The following MORC2 variants were observed in gnomAD, a reference collection of about 807,000 sequenced individuals.
The protein encoded by MORC2 is MORC family CW-type zinc finger 2.
A neutral mutation model predicts 136.0 loss-of-function variants in MORC2; 30 were observed. That is an observed-to-expected ratio of 0.22 (90% CI 0.17 to 0.30). The LOEUF is 0.30. Ranked by LOEUF, MORC2 falls within the 10% of genes least tolerant of loss-of-function variation. The pLI is 1.00. For missense variants in MORC2, 922 were observed against 1,333.1 expected, an observed-to-expected ratio of 0.69 and a Z score of 4.80; for synonymous variants, 439 against 487.0, an observed-to-expected ratio of 0.90 and a Z score of 1.30.
At chr22:30,967,200 TCATGAACTCAAGAAC>T in intron 1 of MORC2, 1 of 985,552 alleles carries the variant, frequency 1.0e-6, no homozygotes, top group Non-Finnish European at 1.2e-6. Context: ...GATTACTCCT[TCATGAACTCAAGAAC>T]CATGAACACT....
chr22:30,936,765 A>G, intron 16 of MORC2, 122 bp from the exon 17 acceptor site: 2 of 1,382,086 alleles, frequency 1.4e-6, no homozygotes, highest in South Asian at 2.6e-5. Flanking sequence ...TTCCCAATGC[A>G]CAGAATTAAT....
chr22:30,939,942 C>T lies in MORC2; in HGVS notation c.987+17G>A, dbSNP rs1374728754. ...GCCAGAAACGCTGGAGAACAGCCGCCTGGGCCGGGACCTTACCCTGGAGTC... is the reference window on the plus strand; with the variant it reads ...GCCAGAAACGCTGGAGAACAGCCGCTTGGGCCGGGACCTTACCCTGGAGTC... On this transcript the variant is annotated intron_variant, in intron 11 of 25. Coordinates refer to ENST00000397641, the MANE Select transcript of MORC2 (RefSeq NM_001303256.3). 3.7e-6 allele frequency: 6 copies of T among 1,612,192 alleles called. No individual in the cohort carries two copies. In the East Asian group the frequency reaches 1.3e-4, roughly 36 times the overall value.
At chr22:30,930,819 C>G (rs950799435) in intron 24 of MORC2, among the ~76,000 whole-genome samples, 3 of 152,202 alleles carry the variant, frequency 2.0e-5, no homozygotes, top group Admixed American at 6.5e-5. Context: ...CCATCTCCAG[C>G]CCTGGCCTCC....
At chr22:30,947,595 C>T (rs1441494596) in intron 5 of MORC2, among the ~76,000 whole-genome samples, 2 of 152,130 alleles carry the variant, frequency 1.3e-5, no homozygotes, top group African/African-American at 2.4e-5. Flanking sequence ...AGGAAAACTC[C>T]CAGGACACTA....
chr22:30,935,158 G>A lies in MORC2; in HGVS notation c.1816C>T (p.Pro606Ser), dbSNP rs779836770. The change falls in exon 19 of 26, where the codon CCT becomes TCT. Residue 606 changes from proline (P) to serine (S), a missense_variant. By Grantham distance (74) the Pro-to-Ser change is moderately conservative. This residue lies in a region of MORC2 where 184 missense variants were observed against 180.3 expected (regional missense o/e 1.02). Transcript: ENST00000397641. Reference protein sequence around the residue: ...EVTTRPSTEEPVRRPQRPRSP... With the variant: ...EVTTRPSTEESVRRPQRPRSP... Reference sequence around the variant, plus strand: ...CGAGGACGCTGAGGTCTACGCACAGGTTCCTAAAAAAAGGCCCACAGAGAG... The same window carrying A: ...CGAGGACGCTGAGGTCTACGCACAGATTCCTAAAAAAAGGCCCACAGAGAG... 3.1e-6 allele frequency: 5 copies of A among 1,611,510 alleles called. No individual in the cohort carries two copies. Among genetic ancestry groups the A allele is most frequent in the Non-Finnish European group, 4.2e-6 (5 of 1,178,854 alleles).
Position 30,939,608 on chromosome 22 carries a change from G to C in MORC2, c.1073+13C>G, listed in dbSNP as rs1324713588. 6 of 1,613,434 alleles carry C rather than the reference G, an allele frequency of 3.7e-6. No homozygotes were observed. In the Admixed American group the frequency reaches 6.7e-5, roughly 18 times the overall value. On this transcript the variant is annotated intron_variant, in intron 12 of 25. Coordinates refer to ENST00000397641, the MANE Select transcript of MORC2 (RefSeq NM_001303256.3). Reference sequence around the variant, plus strand: ...GTCAGTTTAAAAGATCCAAGGACAGGCCTGGCACTCACCGCTGCTTGGCCT... The same window carrying C: ...GTCAGTTTAAAAGATCCAAGGACAGCCCTGGCACTCACCGCTGCTTGGCCT...
chr22:30,962,060 T>C (rs1189945615), intron 1 of MORC2, among the ~76,000 whole-genome samples: 1 of 152,008 alleles, frequency 6.6e-6, no homozygotes, highest in Non-Finnish European at 1.5e-5. Flanking sequence ...TAGTCAGGCA[T>C]GGTGGCGGAC....
chr22:30,952,953 G>A (rs980586736), intron 3 of MORC2, among the ~76,000 whole-genome samples: 1 of 152,224 alleles, frequency 6.6e-6, no homozygotes, highest in East Asian at 1.9e-4. Context: ...TATCCAAAGA[G>A]CTTGTGAAAA....
At position 30,938,091 on chromosome 22, in the gene MORC2, T is replaced by C; in HGVS notation, c.1188A>G (p.Lys396=). The C allele has an allele frequency of 6.2e-7, 1 of 1,614,140 alleles. No individual in the cohort carries two copies. Among genetic ancestry groups the C allele is most frequent in the Non-Finnish European group, 8.5e-7 (1 of 1,180,026 alleles). The part of the protein sequence containing the change: ...NCSRLIKMYE[K]VGPQLEGGMA... ...TGCCCCCTTCCAGCTGTGGGCCCAC[T>C]TTCTCATACATTTTGATCAGTCGGC... Residue 396 remains lysine (K), a synonymous_variant, in exon 13 of 26, where the codon AAA becomes AAG. Transcript: ENST00000397641.
intron 10 of MORC2, 26 bp downstream of exon 10, chr22:30,940,732 A>T: frequency 6.2e-7 from 1 of 1,607,880 alleles, no homozygotes; most frequent in Non-Finnish European, 8.5e-7. Flanking sequence ...ACACCCCCCC[A>T]ACTCCTGCAC....
At position 30,926,190 on chromosome 22, in the gene MORC2, G is replaced by A. The variant is rs2040478843; in HGVS notation, c.*613C>T. On this transcript the variant is annotated 3_prime_UTR_variant, in exon 26 of 26. Transcript: ENST00000397641. ...CCCTCCTTCAGAAAGAACTTGAGTA[G>A]TAGATGAGGTGGTTAGACAGGATCT... 1 of 152,156 alleles carries A rather than the reference G, an allele frequency of 6.6e-6. No homozygotes were observed. Among genetic ancestry groups the A allele is most frequent in the South Asian group, 2.1e-4 (1 of 4,824 alleles). 9.4% of individuals were successfully genotyped at this position (152,156 alleles called of 1,614,324 possible). A position where few individuals can be genotyped will look rare whatever the true frequency, so the allele number is the denominator to read the frequency against.
chr22:30,950,338 C>CGGGGGGG, intron 4 of MORC2, 39 bp downstream of exon 4: 11 of 695,030 alleles, frequency 1.6e-5, no homozygotes, highest in East Asian at 2.5e-5. Flanking sequence ...GGTTACATCG[C>CGGGGGGG]ACCCCCCCAC....
chr22:30,950,882 T>C (rs2040877320), intron 3 of MORC2, among the ~76,000 whole-genome samples: 3 of 152,206 alleles, frequency 2.0e-5, no homozygotes, highest in Admixed American at 2.0e-4. Flanking sequence ...GGATGCCTCC[T>C]TTGTGAATTA....
In MORC2 at chr22:30,934,680, G is replaced by C. The variant is rs1213671626; in HGVS notation, c.2193+101C>G. On this transcript the variant is annotated intron_variant, in intron 19 of 25. Transcript: ENST00000397641. The surrounding 1 kb of genome is among the most constrained non-coding windows in gnomAD (Gnocchi z 4.4). The stretch of plus-strand genomic sequence containing the variant: ...GGGCAGCAGCAAAGCTTTAGATTCA[G>C]TATCTTCCGAAGGCTCCCCCAGTAC... The C allele has an allele frequency of 6.8e-7, 1 of 1,469,918 alleles. No homozygotes were observed. The highest frequency in any genetic ancestry group is 9.2e-7 in the Non-Finnish European group (1 of 1,085,300). 91.1% of individuals were successfully genotyped at this position (1,469,918 alleles called of 1,614,324 possible). A position where few individuals can be genotyped will look rare whatever the true frequency, so the allele number is the denominator to read the frequency against.
rs766400089 is a variant in MORC2, at chr22:30,934,783, G to A, written c.2191C>T (p.Pro731Ser). ...ATTAAAGAGGACAAGCGTCTCACCG[G>A]GGAGAGTTTGATGGGTGACTCTGTC... ...KKTESPIKLS[P>S]ATPSRKRSVA... The change falls in exon 19 of 26, where the codon CCG becomes TCG. Residue 731 changes from proline to serine, a missense_variant and splice_region_variant. Physicochemically the swap from Pro to Ser is moderately conservative, Grantham distance 74. Transcript: ENST00000397641. This position sits in a 1 kb window ranked among gnomAD's most constrained non-coding sequence, Gnocchi z 4.4. 3.1e-6 allele frequency: 5 copies of A among 1,614,012 alleles called. No homozygotes were observed. In the South Asian group the frequency reaches 5.5e-5, roughly 18 times the overall value.
At chr22:30,954,266 C>G (rs1483681798) in intron 3 of MORC2, among the ~76,000 whole-genome samples, 1 of 151,816 alleles carries the variant, frequency 6.6e-6, no homozygotes, top group Non-Finnish European at 1.5e-5. Context: ...TGCATTCCAG[C>G]CTGGGTGAAA....
chr22:30,932,879 G>C lies in MORC2; in HGVS notation c.2522+10C>G. Reference sequence around the variant, plus strand: ...GAGGAACCACTGCTCCTCCCTGATTGGGGCATTACCAGCGGTCTCTTGGTG... The same window carrying C: ...GAGGAACCACTGCTCCTCCCTGATTCGGGCATTACCAGCGGTCTCTTGGTG... On this transcript the variant is annotated intron_variant, in intron 22 of 25. Coordinates refer to ENST00000397641, the MANE Select transcript of MORC2 (RefSeq NM_001303256.3). This position sits in a 1 kb window ranked among gnomAD's most constrained non-coding sequence, Gnocchi z 4.4. The C allele has an allele frequency of 5.0e-6, 8 of 1,614,104 alleles. No individual in the cohort carries two copies. Among genetic ancestry groups the C allele is most frequent in the Non-Finnish European group, 6.8e-6 (8 of 1,180,006 alleles).
intron 4 of MORC2, 45 bp downstream of exon 4, chr22:30,950,332 A>G (rs2040869199): frequency 1.1e-5 from 8 of 751,156 alleles, no homozygotes; most frequent in Middle Eastern, 2.4e-4. Flanking sequence ...AAAAATGGTT[A>G]CATCGCACCC....
At chr22:30,943,493 A>C (rs928119504) in intron 6 of MORC2, among the ~76,000 whole-genome samples, 4 of 152,174 alleles carry the variant, frequency 2.6e-5, no homozygotes, top group Non-Finnish European at 4.4e-5. Flanking sequence ...TTTTAAAAAA[A>C]TCCTACTCTT....
Sources: allele counts gnomAD v4.1 joint callset (sites outside exome capture counted in the v4.1 genomes callset), GRCh38; gene constraint gnomAD v4.1.1; regional missense constraint gnomAD v4.1.1; non-coding constraint Gnocchi (gnomAD v3.1); transcripts MANE v1.5; gene names NCBI Gene and HGNC (gene_info 2026-07-23, HGNC 2026-07-21).